The following IGF2R variants were observed in gnomAD, a reference collection of about 807,000 sequenced individuals.
IGF2R encodes the protein insulin like growth factor 2 receptor.
IGF2R carries 91 observed loss-of-function variants against 270.6 expected under a neutral mutation model. The ratio of observed to expected loss-of-function variants is 0.34; its 90% CI spans 0.28 to 0.40. The LOEUF (loss-of-function observed/expected upper bound fraction) is 0.40. IGF2R is among the 10% of genes least tolerant of loss of function. The pLI is 1.00. For missense variants in IGF2R, 2,805 were observed against 3,188.3 expected, an observed-to-expected ratio of 0.88 and a Z score of 2.90; for synonymous variants, 1,316 against 1,258.9, an observed-to-expected ratio of 1.05 and a Z score of -0.96.
Position 160,089,989 on chromosome 6 carries a change from A to G in IGF2R, c.6541A>G (p.Thr2181Ala). ...GTATGAGATCCAACTTTCCTCCATCACAAGCTCCAGAAACCCGGCGTGCTC... is the reference window on the plus strand; with the variant it reads ...GTATGAGATCCAACTTTCCTCCATCGCAAGCTCCAGAAACCCGGCGTGCTC... ...YLYEIQLSSITSSRNPACSGA... is the reference protein window; with the variant it reads ...YLYEIQLSSIASSRNPACSGA... Residue 2181 changes from threonine (T) to alanine (A), a missense_variant, in exon 44 of 48, where the codon ACA (threonine) becomes GCA (alanine). Around this residue, in one of 2 missense-constraint regions of IGF2R, gnomAD observed 1,851 missense variants for 2,207.2 expected, o/e 0.84. Coordinates refer to ENST00000356956, the MANE Select transcript of IGF2R (RefSeq NM_000876.4). The G allele has an allele frequency of 6.2e-7, 1 of 1,607,676 alleles. No homozygotes were observed. Among genetic ancestry groups the G allele is most frequent in the East Asian group, 2.3e-5 (1 of 44,414 alleles).
chr6:160,065,814 G>GTGTGGATATGTATATATATATATATA, intron 29 of IGF2R, among the ~76,000 whole-genome samples: 1 of 78,392 alleles, frequency 1.3e-5, no homozygotes, highest in Non-Finnish European at 2.3e-5. Context: ...GTGTGTGTGT[G>GTGTGGATATGTATATATATATATATA]TATATATATA....
chr6:160,032,796 G>C, intron 8 of IGF2R, 83 bp downstream of exon 8: 5 of 1,474,634 alleles, frequency 3.4e-6, no homozygotes, highest in Non-Finnish European at 4.6e-6. Context: ...GGCCAAGTCA[G>C]TCCATGCATG....
chr6:160,086,260 C>T (rs1779095597), intron 41 of IGF2R, among the ~76,000 whole-genome samples: 1 of 152,162 alleles, frequency 6.6e-6, no homozygotes, highest in South Asian at 2.1e-4. Context: ...CATGCTTTCT[C>T]CTGGGACTGG....
chr6:160,070,592 AGTGC>A (rs1171854597), intron 31 of IGF2R, among the ~76,000 whole-genome samples: 1 of 152,216 alleles, frequency 6.6e-6, no homozygotes, highest in Non-Finnish European at 1.5e-5. Flanking sequence ...AGTGAGCATG[AGTGC>A]CTGTGATCAG....
At chr6:160,022,013 A>AACACACACAC (rs58646750) in intron 4 of IGF2R, among the ~76,000 whole-genome samples, 1,949 of 142,816 alleles carry the variant, frequency 0.014, 47 homozygotes, top group African/African-American at 0.044. Flanking sequence ...CTAGGTAAAG[A>AACACACACAC]ACACACACAC....
intron 33 of IGF2R, 143 bp downstream of exon 33, chr6:160,073,027 TG>T: frequency 1.5e-6 from 2 of 1,360,228 alleles, no homozygotes; most frequent in East Asian, 2.3e-5. Flanking sequence ...TCACCCCATG[TG>T]GGGGACACAT....
chr6:159,975,289 G>A (rs548487070), intron 1 of IGF2R, among the ~76,000 whole-genome samples: 6 of 152,292 alleles, frequency 3.9e-5, no homozygotes, highest in African/African-American at 1.4e-4. Flanking sequence ...GATATTACAA[G>A]GGATACGGAT....
At chr6:160,041,547 T>C (rs1202487469) in intron 11 of IGF2R, among the ~76,000 whole-genome samples, 2 of 152,124 alleles carry the variant, frequency 1.3e-5, no homozygotes, top group African/African-American at 4.8e-5. Flanking sequence ...CCATGGCACA[T>C]GTATACCTAT....
chr6:160,046,771 C>A, intron 15 of IGF2R, 126 bp downstream of exon 15: 1 of 1,042,000 alleles, frequency 9.6e-7, no homozygotes, highest in Non-Finnish European at 1.4e-6. Context: ...CTGATGAGAC[C>A]TGGTCTGAAA....
intron 32 of IGF2R, among the ~76,000 whole-genome samples, chr6:160,072,375 C>T (rs558675968): frequency 6.6e-6 from 1 of 152,326 alleles, no homozygotes. Flanking sequence ...GGCTGCCTTT[C>T]AGCATCAGTG....
intron 2 of IGF2R, chr6:160,007,531 G>A (rs1346971388): frequency 2.6e-5 from 4 of 152,090 alleles, no homozygotes; most frequent in Non-Finnish European, 5.9e-5. Flanking sequence ...ATCATGTCTT[G>A]TTCATTTTAT....
Position 160,045,796 on chromosome 6 carries a change from T to A in IGF2R, c.1817T>A (p.Phe606Tyr). ...VLRTSGEGGC[F>Y]YEFEWHTAAA... Reference sequence around the variant, plus strand: ...AGAACTTCTGGGGAAGGCGGTTGCTTTTATGAGTTTGAGTGGCACACAGCT... The same window carrying A: ...AGAACTTCTGGGGAAGGCGGTTGCTATTATGAGTTTGAGTGGCACACAGCT... Residue 606 changes from phenylalanine to tyrosine, a missense_variant, in exon 14 of 48, where the codon TTT becomes TAT. Phe to Tyr is a conservative substitution (Grantham distance 22). Around this residue, in one of 2 missense-constraint regions of IGF2R, gnomAD observed 954 missense variants for 981.1 expected, o/e 0.97. Coordinates refer to ENST00000356956, the MANE Select transcript of IGF2R (RefSeq NM_000876.4). 6.2e-7 allele frequency: 1 copy of A among 1,613,938 alleles called. No individual in the cohort carries two copies. The highest frequency in any genetic ancestry group is 8.5e-7 in the Non-Finnish European group (1 of 1,179,918).
rs2115233020 is a variant in IGF2R, at chr6:160,032,580, C to T, written c.912C>T (p.Ser304=). The T allele has an allele frequency of 6.2e-7, 1 of 1,614,054 alleles. No individual in the cohort carries two copies. The highest frequency in any genetic ancestry group is 2.2e-5 in the East Asian group (1 of 44,876). ...EGTIPKLTAK[S]NCRYEIEWIT... Reference sequence around the variant, plus strand: ...CCATTCCCAAACTCACAGCTAAATCCAACTGCCGCTATGAAATTGAGTGGA... The same window carrying T: ...CCATTCCCAAACTCACAGCTAAATCTAACTGCCGCTATGAAATTGAGTGGA... The change falls in exon 8 of 48, where the codon TCC becomes TCT. Residue 304 remains serine (S), a synonymous_variant. Transcript: ENST00000356956.
At chr6:160,085,630 A>G (rs1779083439) in intron 41 of IGF2R, among the ~76,000 whole-genome samples, 2 of 152,192 alleles carry the variant, frequency 1.3e-5, no homozygotes, top group Non-Finnish European at 1.5e-5. Flanking sequence ...AAGGAGGAAA[A>G]TAGAGGTTTC....
rs2114743943 is a variant in IGF2R at position 160,102,548 on chromosome 6, A to G, written c.6872A>G (p.Asp2291Gly). The change falls in exon 46 of 48, where the codon GAC (aspartate) becomes GGC (glycine). Residue 2291 changes from aspartate to glycine, a missense_variant. By Grantham distance (94) the Asp-to-Gly change is moderately conservative. Around this residue, in one of 2 missense-constraint regions of IGF2R, gnomAD observed 1,851 missense variants for 2,207.2 expected, o/e 0.84. Coordinates refer to ENST00000356956, the MANE Select transcript of IGF2R (RefSeq NM_000876.4). This position sits in a 1 kb window ranked among gnomAD's most constrained non-coding sequence, Gnocchi z 4.5. ...GGCTTTGACAGCGAGAATCCCGGGG[A>G]CGACGGGCAGATGCACAAGGGGCTG... ...GVGFDSENPG[D>G]DGQMHKGLSE... 6.2e-7 allele frequency: 1 copy of G among 1,612,772 alleles called. No individual in the cohort carries two copies. Among genetic ancestry groups the G allele is most frequent in the South Asian group, 1.1e-5 (1 of 91,004 alleles).
chr6:159,978,625 T>C lies in IGF2R; in HGVS notation c.149+9230T>C, dbSNP rs555323168. On this transcript the variant is annotated intron_variant, in intron 1 of 47. Coordinates refer to ENST00000356956, the MANE Select transcript of IGF2R (RefSeq NM_000876.4). Reference sequence around the variant, plus strand: ...GCCAGTGGCTTGGATGTGAAAGTGCTTCATAAATTCCACCTTGCTGTGCAA... The same window carrying C: ...GCCAGTGGCTTGGATGTGAAAGTGCCTCATAAATTCCACCTTGCTGTGCAA... Among the ~76,000 whole-genome samples, 60 of 152,120 alleles carry C rather than the reference T, an allele frequency of 3.9e-4. 1 individual carries two copies. The highest frequency in any genetic ancestry group is 1.4e-3 in the African/African-American group (58 of 41,466).
At chr6:160,076,738 G>A (rs1778862978) in intron 36 of IGF2R, among the ~76,000 whole-genome samples, 1 of 152,222 alleles carries the variant, frequency 6.6e-6, no homozygotes. Context: ...GGGCTCCTTT[G>A]ACATGAATGG....
At chr6:159,977,137 C>T (rs1401866937) in intron 1 of IGF2R, among the ~76,000 whole-genome samples, 2 of 152,178 alleles carry the variant, frequency 1.3e-5, no homozygotes, top group Non-Finnish European at 2.9e-5. Flanking sequence ...GTTCTTTCTG[C>T]GTGGACGCTG....
intron 41 of IGF2R, among the ~76,000 whole-genome samples, chr6:160,085,588 G>A (rs985054827): frequency 1.3e-5 from 2 of 152,222 alleles, no homozygotes; most frequent in African/African-American, 4.8e-5. Flanking sequence ...GTACTTGGTT[G>A]CTGAGTGAAA....
Sources: allele counts gnomAD v4.1 joint callset (sites outside exome capture counted in the v4.1 genomes callset), GRCh38; gene constraint gnomAD v4.1.1; regional missense constraint gnomAD v4.1.1; non-coding constraint Gnocchi (gnomAD v3.1); transcripts MANE v1.5; gene names NCBI Gene and HGNC (gene_info 2026-07-23, HGNC 2026-07-21).